Variants in CNTN4 observed in about 807,000 individuals in gnomAD.
The protein encoded by CNTN4 is contactin 4.
CNTN4 carries 77 observed loss-of-function variants against 122.5 expected under a neutral mutation model. The ratio of observed to expected loss-of-function variants is 0.63; its 90% CI spans 0.52 to 0.76. The LOEUF is 0.76. Among genes scored for constraint, CNTN4 ranks in the 30% least tolerant of loss-of-function variants. The pLI, the probability that CNTN4 is intolerant of heterozygous loss-of-function variation, is 0.00. For missense variants in CNTN4, 1,256 were observed against 1,259.1 expected (o/e 1.00, Z 0.04); for synonymous variants, 512 against 447.0 (o/e 1.15, Z -1.83).
chr3:2,748,122 G>T (rs1272328730), intron 6 of CNTN4, among the ~76,000 whole-genome samples: 1 of 152,078 alleles, frequency 6.6e-6, no homozygotes, highest in African/African-American at 2.4e-5. Context: ...CTTAACTTTT[G>T]CAAAGGACAC....
chr3:2,222,518 A>T (rs1685514), intron 2 of CNTN4, among the ~76,000 whole-genome samples: 1 of 151,816 alleles, frequency 6.6e-6, no homozygotes, highest in Non-Finnish European at 1.5e-5. Context: ...CCATTGAATC[A>T]TATACTTTAT....
intron 3 of CNTN4, among the ~76,000 whole-genome samples, chr3:2,410,813 C>T (rs1236267107): frequency 1.3e-5 from 2 of 152,206 alleles, no homozygotes; most frequent in Non-Finnish European, 1.5e-5. Flanking sequence ...TTTCTAGTTT[C>T]ATATTAAAAG....
chr3:2,137,875 C>T (rs1156349363), intron 2 of CNTN4, among the ~76,000 whole-genome samples: 20 of 152,102 alleles, frequency 1.3e-4, no homozygotes, highest in Non-Finnish European at 2.9e-5. Context: ...GCCTGTGTTG[C>T]CACTATGTAA....
At chr3:2,988,069 C>T (rs1477941878) in intron 13 of CNTN4, among the ~76,000 whole-genome samples, 18 of 152,134 alleles carry the variant, frequency 1.2e-4, no homozygotes, top group Non-Finnish European at 8.8e-5. Context: ...AAAGAGAAAT[C>T]GTTACAACCT....
chr3:2,238,982 C>G (rs959741547), intron 2 of CNTN4: 2 of 149,412 alleles, frequency 1.3e-5, no homozygotes, highest in Non-Finnish European at 3.0e-5. Context: ...GCCTCGGCCT[C>G]CCAAAGTGCT....
At chr3:2,384,197 A>T (rs746696285) in intron 3 of CNTN4, among the ~76,000 whole-genome samples, 3 of 152,128 alleles carry the variant, frequency 2.0e-5, no homozygotes, top group Non-Finnish European at 4.4e-5. Context: ...TATCATTATT[A>T]TTAACATCAT....
chr3:2,651,920 T>C lies in CNTN4; in HGVS notation c.55+80362T>C, dbSNP rs187786719. Among the ~76,000 whole-genome samples the C allele has an allele frequency of 8.2e-4, 124 of 152,060 alleles. 1 individual carries two copies. Among genetic ancestry groups the C allele is most frequent in the Non-Finnish European group, 1.2e-3 (80 of 67,978 alleles). On this transcript the variant is annotated intron_variant, in intron 4 of 24. Transcript: ENST00000418658. ...TGGGGTTTCACCATGTTGGCCAGGC[T>C]GATCTCAAACTCCTGACCTCAGGTG... is the stretch of plus-strand genomic sequence containing the variant.
At chr3:2,778,620 T>G (rs1300587191) in intron 6 of CNTN4, among the ~76,000 whole-genome samples, 1 of 152,218 alleles carries the variant, frequency 6.6e-6, no homozygotes, top group Non-Finnish European at 1.5e-5. Context: ...GAAATGGAAC[T>G]ATTATAGTGA....
At chr3:2,246,287 T>C (rs1559375958) in intron 2 of CNTN4, among the ~76,000 whole-genome samples, 2 of 152,026 alleles carry the variant, frequency 1.3e-5, no homozygotes, top group African/African-American at 4.8e-5. Flanking sequence ...ATGCAATCAT[T>C]TACTTATTCA....
intron 6 of CNTN4, among the ~76,000 whole-genome samples, chr3:2,759,178 G>A (rs150378035): frequency 0.026 from 3,882 of 151,890 alleles, 66 homozygotes; most frequent in Middle Eastern, 0.048. Context: ...TTTTTGAGAT[G>A]GAGTTTTGCT....
intron 2 of CNTN4, among the ~76,000 whole-genome samples, chr3:2,147,692 A>C (rs2035310526): frequency 6.6e-6 from 1 of 152,098 alleles, no homozygotes; most frequent in African/African-American, 2.4e-5. Context: ...CATATTAGTC[A>C]CAGGCTCCTC....
At chr3:2,795,129 T>G (rs1005953306) in intron 6 of CNTN4, among the ~76,000 whole-genome samples, 13 of 152,236 alleles carry the variant, frequency 8.5e-5, no homozygotes, top group African/African-American at 2.4e-4. Context: ...TATGGTCTGA[T>G]AGTTTTAGTA....
intron 3 of CNTN4, among the ~76,000 whole-genome samples, chr3:2,486,757 G>T (rs1197653322): frequency 2.0e-5 from 3 of 152,042 alleles, no homozygotes; most frequent in Non-Finnish European, 4.4e-5. Flanking sequence ...CAACTGTAAA[G>T]GAATGGATTA....
chr3:2,878,311 A>G (rs926287809), intron 8 of CNTN4, among the ~76,000 whole-genome samples: 2 of 152,190 alleles, frequency 1.3e-5, no homozygotes, highest in African/African-American at 4.8e-5. Flanking sequence ...ACTAGAAGCT[A>G]TAATTATACT....
chr3:2,669,248 A>G (rs1027983436), intron 4 of CNTN4, among the ~76,000 whole-genome samples: 5 of 152,086 alleles, frequency 3.3e-5, no homozygotes, highest in African/African-American at 1.2e-4. Flanking sequence ...GTAAGCTATT[A>G]ATTATTGCCT....
At chr3:2,131,621 T>G (rs1199164079) in intron 2 of CNTN4, among the ~76,000 whole-genome samples, 1 of 152,196 alleles carries the variant, frequency 6.6e-6, no homozygotes, top group Non-Finnish European at 1.5e-5. Context: ...GCAAAAGATG[T>G]GATTCACGTG....
intron 4 of CNTN4, among the ~76,000 whole-genome samples, chr3:2,621,152 C>A (rs1028203595): frequency 1.1e-5 from 1 of 89,352 alleles, no homozygotes; most frequent in Non-Finnish European, 2.4e-5. Flanking sequence ...TCTCAGTTAA[C>A]GTTAAGCACC....
chr3:2,252,301 C>A (rs924243342), intron 2 of CNTN4, among the ~76,000 whole-genome samples: 1 of 151,926 alleles, frequency 6.6e-6, no homozygotes, highest in Non-Finnish European at 1.5e-5. Flanking sequence ...GGATCTTCAG[C>A]AAAACATTAG....
intron 17 of CNTN4, among the ~76,000 whole-genome samples, chr3:3,036,922 T>C (rs570086497): frequency 6.6e-6 from 1 of 152,292 alleles, no homozygotes; most frequent in South Asian, 2.1e-4. Context: ...GTCAGGTAGT[T>C]TGGGGTCTTG....
Sources: allele counts gnomAD v4.1 joint callset (sites outside exome capture counted in the v4.1 genomes callset), GRCh38; gene constraint gnomAD v4.1.1; transcripts MANE v1.5; gene names NCBI Gene and HGNC (gene_info 2026-07-23, HGNC 2026-07-21).